The following PDE5A variants were observed in gnomAD, a reference collection of about 807,000 sequenced individuals.
PDE5A encodes cGMP-specific 3',5'-cyclic phosphodiesterase.
Under a neutral mutation model 110.2 loss-of-function variants are expected in PDE5A, and 67 were observed. The ratio of observed to expected loss-of-function variants is 0.61; its 90% CI spans 0.50 to 0.75. The LOEUF is 0.75. Ranked by LOEUF, PDE5A falls within the 30% of genes least tolerant of loss-of-function variation. The probability of loss-of-function intolerance (pLI) is 0.00; values close to 1 mark genes in which losing one functional copy is unlikely to be tolerated. For missense variants in PDE5A, 862 were observed against 1,045.1 expected (o/e 0.82, Z 2.42); for synonymous variants, 328 against 351.2 (o/e 0.93, Z 0.74).
chr4:119,610,772 A>G (rs562814844), intron 1 of PDE5A, among the ~76,000 whole-genome samples: 7 of 152,156 alleles, frequency 4.6e-5, no homozygotes, highest in Non-Finnish European at 8.8e-5. Context: ...CCAAAATCCT[A>G]TATCCCAATC....
At chr4:119,537,462 CTTTAT>C (rs1462503819) in intron 11 of PDE5A, among the ~76,000 whole-genome samples, 2 of 151,994 alleles carry the variant, frequency 1.3e-5, no homozygotes, top group African/African-American at 4.8e-5. Flanking sequence ...TTTGAAACTA[CTTTAT>C]TTTGCCTTCT....
chr4:119,503,273 G>GA (rs1168621314), intron 18 of PDE5A, among the ~76,000 whole-genome samples: 1 of 152,096 alleles, frequency 6.6e-6, no homozygotes, highest in Non-Finnish European at 1.5e-5. Flanking sequence ...GACTCAAAAT[G>GA]AAATCTTGAA....
chr4:119,611,913 T>C (rs775783143), intron 1 of PDE5A, among the ~76,000 whole-genome samples: 2 of 152,208 alleles, frequency 1.3e-5, no homozygotes, highest in African/African-American at 2.4e-5. Flanking sequence ...CCTTTGAGCA[T>C]TCCTTGGAGT....
chr4:119,608,701 T>A (rs1410573474), intron 1 of PDE5A, among the ~76,000 whole-genome samples: 2 of 152,194 alleles, frequency 1.3e-5, no homozygotes, highest in Non-Finnish European at 2.9e-5. Context: ...TGAGGATATT[T>A]CAAATAATTT....
At chr4:119,561,376 A>G (rs1324045697) in intron 6 of PDE5A, among the ~76,000 whole-genome samples, 1 of 152,214 alleles carries the variant, frequency 6.6e-6, no homozygotes, top group Non-Finnish European at 1.5e-5. Flanking sequence ...TTCCTTTTCT[A>G]AATCCTACAA....
intron 13 of PDE5A, 56 bp from the exon 14 acceptor site, chr4:119,519,195 C>T: frequency 8.2e-7 from 1 of 1,223,722 alleles, no homozygotes; most frequent in Non-Finnish European, 1.2e-6. Flanking sequence ...TGGTGAAGGA[C>T]ATTATATTAC....
At chr4:119,570,747 A>G (rs1012637017) in intron 3 of PDE5A, among the ~76,000 whole-genome samples, 3 of 152,130 alleles carry the variant, frequency 2.0e-5, no homozygotes, top group African/African-American at 7.2e-5. Context: ...CAGCATGGAA[A>G]CTAAAAGCAA....
At chr4:119,564,763 G>C (rs963153079) in intron 5 of PDE5A, among the ~76,000 whole-genome samples, 1 of 152,072 alleles carries the variant, frequency 6.6e-6, no homozygotes, top group Non-Finnish European at 1.5e-5. Flanking sequence ...AGTTTCTTTA[G>C]AATTGCAACT....
intron 3 of PDE5A, among the ~76,000 whole-genome samples, chr4:119,573,765 T>C (rs918769354): frequency 6.6e-6 from 1 of 152,146 alleles, no homozygotes; most frequent in Non-Finnish European, 1.5e-5. Context: ...GGCAGCCAAG[T>C]AGGTTGGAGA....
intron 2 of PDE5A, among the ~76,000 whole-genome samples, chr4:119,603,848 T>C (rs1729430564): frequency 6.6e-6 from 1 of 152,138 alleles, no homozygotes; most frequent in South Asian, 2.1e-4. Context: ...TGCCATACAG[T>C]GTCATTTTTA....
chr4:119,558,865 C>T (rs1450052342), intron 7 of PDE5A, among the ~76,000 whole-genome samples: 1 of 133,052 alleles, frequency 7.5e-6, no homozygotes, highest in African/African-American at 2.9e-5. Context: ...TGCAGTGAGC[C>T]GAGATCCCGC....
At position 119,562,934 on chromosome 4, in the gene PDE5A, G is replaced by A. The variant is rs1727795101; in HGVS notation, c.1030C>T (p.Gln344Ter). ...TTCAAAATTACTTCTAATGATTGTT[G>A]TTCTTCAAAAATTAAACTAGCAAGG... is the stretch of plus-strand genomic sequence containing the variant. Reference protein sequence around the residue: ...LDLASLIFEEQQSLEVILKKI... With the variant: ...LDLASLIFEE Residue 344 changes from glutamine (Q) to a stop codon, truncating the protein, a stop_gained, in exon 6 of 21, where the codon CAA becomes TAA. Transcript: ENST00000354960. LOFTEE classifies it high-confidence loss of function. 3 of 1,599,298 alleles carry A rather than the reference G, an allele frequency of 1.9e-6. No homozygotes were observed. Among genetic ancestry groups the A allele is most frequent in the Non-Finnish European group, 2.6e-6 (3 of 1,175,002 alleles).
intron 3 of PDE5A, among the ~76,000 whole-genome samples, chr4:119,577,763 T>C (rs563508620): frequency 7.9e-5 from 12 of 152,320 alleles, no homozygotes; most frequent in African/African-American, 2.6e-4. Context: ...AGCATTCCCT[T>C]TGAAAACTGG....
At chr4:119,507,781 A>G (rs1282078079) in intron 15 of PDE5A, 77 bp from the exon 16 acceptor site, 2 of 878,038 alleles carry the variant, frequency 2.3e-6, no homozygotes, top group Non-Finnish European at 3.6e-6. Flanking sequence ...ATATATTCAC[A>G]TATCTTAAAC....
At chr4:119,519,784 G>A (rs1393680000) in intron 13 of PDE5A, 4 of 152,024 alleles carry the variant, frequency 2.6e-5, no homozygotes, top group Non-Finnish European at 1.5e-5. Flanking sequence ...TCATCATTTT[G>A]TTATTCCTCA....
intron 1 of PDE5A, among the ~76,000 whole-genome samples, chr4:119,625,133 G>A (rs185819708): frequency 6.6e-5 from 10 of 152,036 alleles, no homozygotes; most frequent in Admixed American, 6.5e-4. Context: ...TAGTAGCTGG[G>A]ATTACAGGCG....
In PDE5A at chr4:119,505,838, A is replaced by G; in HGVS notation, c.2267+17T>C. The stretch of plus-strand genomic sequence containing the variant: ...TGGGTAAAAAACTTCAGCTTTAAAG[A>G]TAGTAAACCTACTTACAAAAACAAC... On this transcript the variant is annotated intron_variant, in intron 17 of 20. Coordinates refer to ENST00000354960, the MANE Select transcript of PDE5A (RefSeq NM_001083.4). 1 of 1,440,552 alleles carries G rather than the reference A, an allele frequency of 6.9e-7. No homozygotes were observed. Among genetic ancestry groups the G allele is most frequent in the Non-Finnish European group, 9.6e-7 (1 of 1,046,022 alleles). The allele number at this position is 1,440,552 out of a possible 1,614,324, so 89.2% of individuals were successfully genotyped here.
chr4:119,513,976 AC>A (rs758436842), intron 14 of PDE5A, among the ~76,000 whole-genome samples: 1 of 152,180 alleles, frequency 6.6e-6, no homozygotes, highest in Non-Finnish European at 1.5e-5. Flanking sequence ...GTATATAAAA[AC>A]ATTCATGGAA....
In PDE5A at chr4:119,606,766, G is replaced by A. The variant is rs201828258; in HGVS notation, c.684C>T (p.Gly228=). 75 of 1,614,124 alleles carry A rather than the reference G, an allele frequency of 4.6e-5. No individual in the cohort carries two copies. In the South Asian group the frequency reaches 6.6e-4, roughly 14 times the overall value. ...NNCIRLEWNK[G]IVGHVAALGE... ...CAAGCGCTGCCACATGTCCCACAAT[G>A]CCTTTGTTCCATTCTAAGCGGATAC... The change falls in exon 2 of 21, where the codon GGC becomes GGT. Residue 228 remains glycine (G), a synonymous_variant. Transcript: ENST00000354960.
Sources: gnomAD v4.1 joint callset for allele counts (sites outside exome capture counted in the v4.1 genomes callset) on GRCh38, gnomAD v4.1.1 for gene constraint, MANE v1.5 for transcripts, NCBI Gene and HGNC (gene_info 2026-07-23, HGNC 2026-07-21) for gene names.